CCER2: variants seen among roughly 807,000 people sequenced by gnomAD.
The protein encoded by CCER2 is coiled-coil domain-containing glutamate-rich protein 2.
A neutral mutation model predicts 27.1 loss-of-function variants in CCER2; 20 were observed. That is an observed-to-expected ratio of 0.74 (90% CI 0.52 to 1.07). The LOEUF (loss-of-function observed/expected upper bound fraction) is 1.07, where lower values mean the gene tolerates loss of function less well. CCER2 is among the 50% of genes least tolerant of loss of function. The pLI is 0.00. For missense variants in CCER2, 351 were observed against 344.7 expected, an observed-to-expected ratio of 1.02 and a Z score of -0.14; for synonymous variants, 140 against 144.3, an observed-to-expected ratio of 0.97 and a Z score of 0.21.
At chr19:38,910,509 C>T in intron 4 of CCER2, 54 bp downstream of exon 4, 1 of 1,435,322 alleles carries the variant, frequency 7.0e-7, no homozygotes, top group Non-Finnish European at 9.1e-7. Flanking sequence ...CACTGACCAT[C>T]ATCAACCCTG....
rs1356553568 is a variant in CCER2, at chr19:38,911,841, G to A, written c.73C>T (p.Pro25Ser). 1 of 1,535,122 alleles carries A rather than the reference G, an allele frequency of 6.5e-7. No individual in the cohort carries two copies. The highest frequency in any genetic ancestry group is 2.0e-5 in the Admixed American group (1 of 50,962). Residue 25 changes from proline (P) to serine (S), a missense_variant, in exon 2 of 5, where the codon CCC (proline) becomes TCC (serine). By Grantham distance (74) the Pro-to-Ser change is moderately conservative. Coordinates refer to ENST00000571838, the MANE Select transcript of CCER2 (RefSeq NM_001243212.2). ...LLLLGAATAAPLAPRPSKEEL... is the reference protein window; with the variant it reads ...LLLLGAATAASLAPRPSKEEL... ...TCCTTGGAGGGTCTCGGTGCCAAGGGAGCAGCGGTGGCTGTGGAGAAAGGA... is the reference window on the plus strand; with the variant it reads ...TCCTTGGAGGGTCTCGGTGCCAAGGAAGCAGCGGTGGCTGTGGAGAAAGGA...
At position 38,912,118 on chromosome 19, in the gene CCER2, CGCA is replaced by C. The variant is rs1456915381; in HGVS notation, c.38_40del (p.Leu13del). Reference sequence around the variant, plus strand: ...CTCACCCGCCCCCAGCAGGAGCAGCCGCAGCAGCAGCAGCTCAGAGGCTGGCCC... The same window carrying C: ...CTCACCCGCCCCCAGCAGGAGCAGCCGCAGCAGCAGCTCAGAGGCTGGCCC... On this transcript the variant is annotated inframe_deletion, in exon 1 of 5. Transcript: ENST00000571838. 1.8e-5 allele frequency: 27 copies of C among 1,515,304 alleles called. No homozygotes were observed. The highest frequency in any genetic ancestry group is 1.1e-4 in the Admixed American group (5 of 46,942). 93.9% of individuals were successfully genotyped at this position (1,515,304 alleles called of 1,614,324 possible).
rs1442191431 is a variant in CCER2 at position 38,910,854 on chromosome 19, C to T, written c.420G>A (p.Lys140=). The change falls in exon 4 of 5, where the codon AAG becomes AAA. Residue 140 remains lysine, a synonymous_variant. Coordinates refer to ENST00000571838, the MANE Select transcript of CCER2 (RefSeq NM_001243212.2). ...LHQEEDEEEE[K]EERKRGPMET... ...CCATGGGCCCCCTCTTCCTCTCCTC[C>T]TTCTCCTCCTCCTCGTCCTCCTCCT... 2 of 1,525,124 alleles carry T rather than the reference C, an allele frequency of 1.3e-6. No individual in the cohort carries two copies. The highest frequency in any genetic ancestry group is 1.8e-6 in the Non-Finnish European group (2 of 1,141,188). The allele number at this position is 1,525,124 out of a possible 1,614,324, so 94.5% of individuals were successfully genotyped here. A position where few individuals can be genotyped will look rare whatever the true frequency, so the allele number is the denominator to read the frequency against.
At chr19:38,911,522 C>T (rs915041608) in intron 3 of CCER2, 44 bp downstream of exon 3, 18 of 1,494,194 alleles carry the variant, frequency 1.2e-5, no homozygotes, top group African/African-American at 9.7e-5. Context: ...AGGGTAGGGT[C>T]CCATGGGGTT....
At chr19:38,911,486 C>T (rs1974307144) in intron 3 of CCER2, 80 bp downstream of exon 3, 2 of 1,213,394 alleles carry the variant, frequency 1.6e-6, no homozygotes, top group African/African-American at 3.0e-5. Flanking sequence ...AGCATGTGGG[C>T]ACCTGGGCAG....
chr19:38,910,189 G>C (rs1339109512), intron 4 of CCER2, among the ~76,000 whole-genome samples: 7 of 152,066 alleles, frequency 4.6e-5, no homozygotes, highest in Admixed American at 1.3e-4. Flanking sequence ...ACCCTGTTAC[G>C]GCACTTTTGG....
intron 1 of CCER2, 77 bp from the exon 2 acceptor site, chr19:38,911,929 T>A: frequency 6.6e-7 from 1 of 1,517,590 alleles, no homozygotes; most frequent in East Asian, 2.5e-5. Context: ...TCCATGGGCG[T>A]CCCGGTCCCC....
At chr19:38,911,701 G>A in intron 2 of CCER2, 48 bp from the exon 3 acceptor site, 1 of 1,527,464 alleles carries the variant, frequency 6.5e-7, no homozygotes. Flanking sequence ...GGGCAGGGGA[G>A]ATGGGGAGGA....
At chr19:38,911,976 G>C in intron 1 of CCER2, 122 bp downstream of exon 1, 1 of 1,464,746 alleles carries the variant, frequency 6.8e-7, no homozygotes, top group Non-Finnish European at 9.1e-7. Context: ...CGGGTGTACT[G>C]TCCCCCGCTG....
At chr19:38,911,977 T>TC (rs1974317216) in intron 1 of CCER2, 121 bp downstream of exon 1, 2 of 1,464,654 alleles carry the variant, frequency 1.4e-6, no homozygotes, top group African/African-American at 2.8e-5. Flanking sequence ...GGGTGTACTG[T>TC]CCCCCGCTGG....
intron 4 of CCER2, among the ~76,000 whole-genome samples, chr19:38,909,761 A>T (rs1974265745): frequency 6.6e-6 from 1 of 151,696 alleles, no homozygotes; most frequent in South Asian, 2.1e-4. Flanking sequence ...TTTAGTAGAG[A>T]CAGGGTTTCA....
At chr19:38,911,104 ACTCT>A in intron 3 of CCER2, 21 bp from the exon 4 acceptor site, 1 of 1,401,482 alleles carries the variant, frequency 7.1e-7, no homozygotes, top group Non-Finnish European at 9.3e-7. Context: ...GGGAAAGGAC[ACTCT>A]CTAAGCATCC....
chr19:38,911,771 C>T, intron 2 of CCER2, 41 bp downstream of exon 2: 1 of 1,533,472 alleles, frequency 6.5e-7, no homozygotes, highest in Non-Finnish European at 8.7e-7. Context: ...AGGGCAGGGC[C>T]CCAGCTAGGT....
intron 1 of CCER2, 39 bp downstream of exon 1, chr19:38,912,059 C>A (rs1363342586): frequency 5.9e-6 from 9 of 1,521,828 alleles, no homozygotes; most frequent in Non-Finnish European, 7.9e-6. Context: ...CGCTCCCCGG[C>A]CCCTGGCAGG....
In CCER2 at chr19:38,911,589, G is replaced by C. The variant is rs1202958788; in HGVS notation, c.167C>G (p.Pro56Arg). The change falls in exon 3 of 5, where the codon CCC (proline) becomes CGC (arginine). Residue 56 changes from proline (P) to arginine (R), a missense_variant. By Grantham distance (103) the Pro-to-Arg change is moderately radical. Coordinates refer to ENST00000571838, the MANE Select transcript of CCER2 (RefSeq NM_001243212.2). ...VLTVGQVQRG[P>R]CTALLHKELC... ...ACCCTTGTGGAGAAGAGCAGTGCAG[G>C]GTCCTCTCTGGACCTGGCCCACGGT... 6.5e-7 allele frequency: 1 copy of C among 1,535,282 alleles called. No individual in the cohort carries two copies. Among genetic ancestry groups the C allele is most frequent in the South Asian group, 1.2e-5 (1 of 84,044 alleles).
At position 38,909,002 on chromosome 19, in the gene CCER2, A is replaced by T; in HGVS notation, c.*234T>A. ...GGGTGCGTTTCTTTGTGCTTTATTC[A>T]CTCAGAAGGGTTGGAGTGGGAGTGC... On this transcript the variant is annotated 3_prime_UTR_variant, in exon 5 of 5. Coordinates refer to ENST00000571838, the MANE Select transcript of CCER2 (RefSeq NM_001243212.2). 2 of 1,112,660 alleles carry T rather than the reference A, an allele frequency of 1.8e-6. No homozygotes were observed. The highest frequency in any genetic ancestry group is 2.5e-6 in the Non-Finnish European group (2 of 794,548). The allele number at this position is 1,112,660 out of a possible 1,614,324, so 68.9% of individuals were successfully genotyped here. A position where few individuals can be genotyped will look rare whatever the true frequency, so the allele number is the denominator to read the frequency against.
In CCER2 at chr19:38,911,035, C is replaced by A. The variant is rs908319857; in HGVS notation, c.239G>T (p.Gly80Val). Residue 80 changes from glycine to valine, a missense_variant, in exon 4 of 5, where the codon GGC becomes GTC. Coordinates refer to ENST00000571838, the MANE Select transcript of CCER2 (RefSeq NM_001243212.2). ...CTTCTTGAAATCCCCAAGCAGCAGG[C>A]CTTTCTCCTCGGTGGACGCACAGCC... Reference protein sequence around the residue: ...PHGCASTEEKGLLLGDFKKQE... With the variant: ...PHGCASTEEKVLLLGDFKKQE... 1.4e-6 allele frequency: 2 copies of A among 1,471,884 alleles called. No individual in the cohort carries two copies. The highest frequency in any genetic ancestry group is 1.8e-4 in the Middle Eastern group (1 of 5,662). The allele number at this position is 1,471,884 out of a possible 1,614,324, so 91.2% of individuals were successfully genotyped here.
In CCER2 at chr19:38,908,982, C is replaced by T. The variant is rs796465346; in HGVS notation, c.*254G>A. 21 of 1,225,720 alleles carry T rather than the reference C, an allele frequency of 1.7e-5. No individual in the cohort carries two copies. Among genetic ancestry groups the T allele is most frequent in the Middle Eastern group, 1.9e-4 (1 of 5,174 alleles). The allele number at this position is 1,225,720 out of a possible 1,614,324, so 75.9% of individuals were successfully genotyped here. A position where few individuals can be genotyped will look rare whatever the true frequency, so the allele number is the denominator to read the frequency against. On this transcript the variant is annotated 3_prime_UTR_variant, in exon 5 of 5. Transcript: ENST00000571838. Reference sequence around the variant, plus strand: ...AAGTGCTGCTCACGGAGGCAGGGTGCGTTTCTTTGTGCTTTATTCACTCAG... The same window carrying T: ...AAGTGCTGCTCACGGAGGCAGGGTGTGTTTCTTTGTGCTTTATTCACTCAG...
rs1974295226 is a variant in CCER2 at position 38,910,911 on chromosome 19, G to A, written c.363C>T (p.Ala121=). 2 of 1,516,176 alleles carry A rather than the reference G, an allele frequency of 1.3e-6. No homozygotes were observed. The highest frequency in any genetic ancestry group is 1.8e-6 in the Non-Finnish European group (2 of 1,136,960). 93.9% of individuals were successfully genotyped at this position (1,516,176 alleles called of 1,614,324 possible). Reference sequence around the variant, plus strand: ...GCTGGCGATGCCCTTGCATGCGGATGGCTTGTTCCTGGACCTCAGACTTGT... The same window carrying A: ...GCTGGCGATGCCCTTGCATGCGGATAGCTTGTTCCTGGACCTCAGACTTGT... The part of the protein sequence containing the change: ...RTHKSEVQEQ[A]IRMQGHRQLH... The change falls in exon 4 of 5, where the codon GCC becomes GCT. Residue 121 remains alanine (A), a synonymous_variant. Coordinates refer to ENST00000571838, the MANE Select transcript of CCER2 (RefSeq NM_001243212.2).
Sources: gnomAD v4.1 joint callset for allele counts (sites outside exome capture counted in the v4.1 genomes callset) on GRCh38, gnomAD v4.1.1 for gene constraint, MANE v1.5 for transcripts, NCBI Gene and HGNC (gene_info 2026-07-23, HGNC 2026-07-21) for gene names.